CD2AP: variants seen among roughly 807,000 people sequenced by gnomAD.
The protein encoded by CD2AP is CD2 associated protein.
A neutral mutation model predicts 85.1 loss-of-function variants in CD2AP; 46 were observed. The observed-to-expected ratio is 0.54, with a 90% confidence interval of 0.43 to 0.69. CD2AP has a LOEUF of 0.69. Ranked by LOEUF, CD2AP falls within the 30% of genes least tolerant of loss-of-function variation. CD2AP has a pLI of 0.00. For missense variants in CD2AP, 769 were observed against 729.5 expected, an observed-to-expected ratio of 1.05 and a Z score of -0.62; for synonymous variants, 255 against 252.9, an observed-to-expected ratio of 1.01 and a Z score of -0.08.
chr6:47,488,574 A>G (rs939182227), intron 1 of CD2AP, among the ~76,000 whole-genome samples: 2 of 152,104 alleles, frequency 1.3e-5, no homozygotes, highest in East Asian at 1.9e-4. Context: ...TCTGATGTAT[A>G]TTTTACATTT....
intron 4 of CD2AP, among the ~76,000 whole-genome samples, chr6:47,552,905 T>C (rs1212597993): frequency 6.6e-6 from 1 of 152,208 alleles, no homozygotes; most frequent in Non-Finnish European, 1.5e-5. Context: ...CATGAATAAA[T>C]CATTTATTTT....
intron 17 of CD2AP, among the ~76,000 whole-genome samples, chr6:47,623,798 G>GTCTCTA (rs1481879069): frequency 6.6e-6 from 1 of 151,894 alleles, no homozygotes; most frequent in African/African-American, 2.4e-5. Context: ...AACTAAACAG[G>GTCTCTA]TCTCTATTCT....
At chr6:47,555,012 A>C (rs1006462091) in intron 5 of CD2AP, among the ~76,000 whole-genome samples, 2 of 152,186 alleles carry the variant, frequency 1.3e-5, no homozygotes, top group African/African-American at 4.8e-5. Flanking sequence ...CCCTGAGTTT[A>C]AAATGATTCA....
chr6:47,564,856 TAA>T (rs1200198715), intron 5 of CD2AP, among the ~76,000 whole-genome samples: 6 of 36,164 alleles, frequency 1.7e-4, no homozygotes, highest in South Asian at 1.7e-3. Context: ...GTACATTATA[TAA>T]GTGTTTTCTT....
chr6:47,554,257 T>A (rs1475557491), intron 4 of CD2AP, among the ~76,000 whole-genome samples: 1 of 152,148 alleles, frequency 6.6e-6, no homozygotes, highest in Non-Finnish European at 1.5e-5. Flanking sequence ...AAATAAAAAA[T>A]TTCCAAATAC....
intron 11 of CD2AP, among the ~76,000 whole-genome samples, chr6:47,592,142 T>G (rs919213667): frequency 6.6e-6 from 1 of 152,148 alleles, no homozygotes; most frequent in Non-Finnish European, 1.5e-5. Context: ...AGCCTGTGTC[T>G]TAAATTATCA....
chr6:47,542,842 G>T (rs1224233892), intron 3 of CD2AP, among the ~76,000 whole-genome samples: 1 of 152,004 alleles, frequency 6.6e-6, no homozygotes, highest in African/African-American at 2.4e-5. Context: ...CACAAAAGAA[G>T]ATTATTTAAT....
intron 2 of CD2AP, among the ~76,000 whole-genome samples, chr6:47,528,279 A>G (rs1219811841): frequency 6.6e-6 from 1 of 152,150 alleles, no homozygotes; most frequent in Non-Finnish European, 1.5e-5. Context: ...GGTTCAAGTG[A>G]TTCTCATACC....
chr6:47,584,613 A>G (rs1768571909), intron 11 of CD2AP, among the ~76,000 whole-genome samples: 2 of 152,124 alleles, frequency 1.3e-5, no homozygotes, highest in South Asian at 4.1e-4. Flanking sequence ...TCTAGTCCCT[A>G]AATATGTCAT....
chr6:47,580,278 A>G lies in CD2AP; in HGVS notation c.1009-586A>G, dbSNP rs1236440293. Among the ~76,000 whole-genome samples, 6 of 152,340 alleles carry G rather than the reference A, an allele frequency of 3.9e-5. No homozygotes were observed. In the East Asian group the frequency reaches 1.2e-3, roughly 29 times the overall value. On this transcript the variant is annotated intron_variant, in intron 9 of 17. Coordinates refer to ENST00000359314, the MANE Select transcript of CD2AP (RefSeq NM_012120.3). ...CAATTATTCTTAATTTGTAAAAACC[A>G]AGTCCACCAACTTAGAAGTGTATAT...
chr6:47,610,278 T>C (rs967784084), intron 16 of CD2AP, among the ~76,000 whole-genome samples: 3 of 152,118 alleles, frequency 2.0e-5, no homozygotes, highest in Non-Finnish European at 2.9e-5. Flanking sequence ...TTAAGCACAA[T>C]TCTACAAAAG....
intron 12 of CD2AP, among the ~76,000 whole-genome samples, chr6:47,596,614 A>G (rs1768958626): frequency 6.6e-6 from 1 of 151,986 alleles, no homozygotes; most frequent in Admixed American, 6.6e-5. Flanking sequence ...TTATGGCTGA[A>G]TGGTATTCTT....
chr6:47,529,198 C>A (rs939847051), intron 2 of CD2AP, among the ~76,000 whole-genome samples: 4 of 84,522 alleles, frequency 4.7e-5, no homozygotes, highest in Non-Finnish European at 1.0e-4. Context: ...CCCCCCCCCC[C>A]CCAACTTATT....
chr6:47,534,248 A>T (rs187283986), intron 3 of CD2AP, among the ~76,000 whole-genome samples: 70 of 152,328 alleles, frequency 4.6e-4, no homozygotes, highest in African/African-American at 1.4e-3. Flanking sequence ...TTACATTTGA[A>T]ATCAGATAAG....
chr6:47,557,251 A>G (rs930331243), intron 5 of CD2AP, among the ~76,000 whole-genome samples: 2 of 151,830 alleles, frequency 1.3e-5, no homozygotes, highest in African/African-American at 4.8e-5. Flanking sequence ...ATAGATTGCA[A>G]AAATTTTCTC....
At chr6:47,595,456 T>C (rs1768914702) in intron 11 of CD2AP, among the ~76,000 whole-genome samples, 1 of 152,002 alleles carries the variant, frequency 6.6e-6, no homozygotes, top group African/African-American at 2.4e-5. Context: ...GAGTTTCTAC[T>C]TGTTTTTAGT....
chr6:47,592,541 T>C (rs1325205805), intron 11 of CD2AP, among the ~76,000 whole-genome samples: 1 of 152,106 alleles, frequency 6.6e-6, no homozygotes, highest in Non-Finnish European at 1.5e-5. Context: ...ATTTCCTGAG[T>C]GATAAAGGTG....
rs115101948 is a variant in CD2AP at position 47,600,233 on chromosome 6, A to G, written c.1417+790A>G. ...TCTAAACAAAGTAAGCTACAGACAC[A>G]TTAAATAAGCACTATCACATAAATC... On this transcript the variant is annotated intron_variant, in intron 13 of 17. Transcript: ENST00000359314. Among the ~76,000 whole-genome samples the G allele has an allele frequency of 5.3e-3, 808 of 152,028 alleles. 8 individuals carry two copies. The highest frequency in any genetic ancestry group is 0.018 in the African/African-American group (760 of 41,546).
chr6:47,536,038 T>C (rs1378090746), intron 3 of CD2AP, among the ~76,000 whole-genome samples: 1 of 152,204 alleles, frequency 6.6e-6, no homozygotes, highest in Admixed American at 6.5e-5. Context: ...AAAATCATTA[T>C]GCAGTTGGTG....
Sources: allele counts gnomAD v4.1 joint callset (sites outside exome capture counted in the v4.1 genomes callset), GRCh38; gene constraint gnomAD v4.1.1; transcripts MANE v1.5; gene names NCBI Gene and HGNC (gene_info 2026-07-23, HGNC 2026-07-21).